The following STK4 variants were observed in gnomAD, a reference collection of about 807,000 sequenced individuals.
The protein encoded by STK4 is serine/threonine-protein kinase 4.
In STK4, 30 loss-of-function variants were observed where a neutral mutation model predicts 64.9. The ratio of observed to expected loss-of-function variants is 0.46; its 90% CI spans 0.35 to 0.63. The LOEUF (loss-of-function observed/expected upper bound fraction) is 0.63. Among genes scored for constraint, STK4 ranks in the 20% least tolerant of loss-of-function variants. STK4 has a pLI of 0.01. For missense variants in STK4, 466 were observed against 598.5 expected, an observed-to-expected ratio of 0.78 and a Z score of 2.31; for synonymous variants, 177 against 199.0, an observed-to-expected ratio of 0.89 and a Z score of 0.93.
intron 10 of STK4, among the ~76,000 whole-genome samples, chr20:45,038,753 G>A (rs1355798719): frequency 3.3e-5 from 5 of 151,388 alleles, no homozygotes; most frequent in Non-Finnish European, 7.4e-5. Context: ...AATATTTACT[G>A]AATTAGAAAT....
chr20:44,999,357 C>T (rs1222625132), intron 7 of STK4, among the ~76,000 whole-genome samples: 2 of 152,152 alleles, frequency 1.3e-5, no homozygotes, highest in Non-Finnish European at 2.9e-5. Context: ...AAATGTATCT[C>T]CTGTGTTGCA....
chr20:44,996,946 A>G (rs1219535401), intron 6 of STK4, among the ~76,000 whole-genome samples: 1 of 152,204 alleles, frequency 6.6e-6, no homozygotes, highest in Non-Finnish European at 1.5e-5. Flanking sequence ...TGTGAGGTTT[A>G]GGGAACAAGA....
chr20:45,044,663 G>A (rs2068665842), intron 10 of STK4, among the ~76,000 whole-genome samples: 1 of 152,020 alleles, frequency 6.6e-6, no homozygotes, highest in African/African-American at 2.4e-5. Context: ...TCAAAAAAAA[G>A]AAAAAAGTTA....
At chr20:45,047,275 T>A (rs1195499717) in intron 10 of STK4, among the ~76,000 whole-genome samples, 1 of 152,178 alleles carries the variant, frequency 6.6e-6, no homozygotes, top group African/African-American at 2.4e-5. Flanking sequence ...AGGCGCTAGG[T>A]GACAAGAGAT....
At chr20:44,989,902 T>G (rs2067601665) in intron 5 of STK4, among the ~76,000 whole-genome samples, 1 of 152,252 alleles carries the variant, frequency 6.6e-6, no homozygotes, top group Non-Finnish European at 1.5e-5. Flanking sequence ...TTGACCTATA[T>G]GTCTGTCCTT....
intron 10 of STK4, among the ~76,000 whole-genome samples, chr20:45,031,269 G>A (rs1016077350): frequency 6.6e-6 from 1 of 152,022 alleles, no homozygotes; most frequent in African/African-American, 2.4e-5. Flanking sequence ...AAGAGGGGAA[G>A]CAAGTCACAG....
chr20:45,060,557 A>G (rs1978903262), intron 10 of STK4, among the ~76,000 whole-genome samples: 1 of 152,136 alleles, frequency 6.6e-6, no homozygotes, highest in Admixed American at 6.5e-5. Context: ...TTACAGTCAG[A>G]CACGCTAAGG....
chr20:45,071,752 T>C (rs1431688490), intron 10 of STK4, among the ~76,000 whole-genome samples: 1 of 152,156 alleles, frequency 6.6e-6, no homozygotes, highest in African/African-American at 2.4e-5. Context: ...AGCTTCTTTA[T>C]TTTAGTTTAT....
chr20:45,053,918 T>G (rs971457552), intron 10 of STK4, among the ~76,000 whole-genome samples: 1 of 151,752 alleles, frequency 6.6e-6, no homozygotes, highest in African/African-American at 2.4e-5. Context: ...TGTTTTTTTT[T>G]TCAGCCAAAA....
At chr20:44,968,442 C>G (rs1325683725) in intron 1 of STK4, among the ~76,000 whole-genome samples, 2 of 152,258 alleles carry the variant, frequency 1.3e-5, no homozygotes, top group Non-Finnish European at 2.9e-5. Flanking sequence ...CGGCCATGCT[C>G]TTAACTGCCT....
chr20:44,973,493 C>T (rs897959971), intron 2 of STK4: 2 of 152,230 alleles, frequency 1.3e-5, no homozygotes, highest in African/African-American at 2.4e-5. Context: ...TTTAGCTTGC[C>T]ATCCTTGCTA....
At chr20:45,032,960 C>T (rs1045908572) in intron 10 of STK4, among the ~76,000 whole-genome samples, 2 of 152,088 alleles carry the variant, frequency 1.3e-5, no homozygotes. Context: ...TAATAATAGC[C>T]ATTCTGACTG....
intron 10 of STK4, among the ~76,000 whole-genome samples, chr20:45,041,848 C>G (rs1176231273): frequency 6.6e-6 from 1 of 152,122 alleles, no homozygotes; most frequent in Non-Finnish European, 1.5e-5. Context: ...GTTTGTTAGC[C>G]TGCCGCAGGC....
intron 2 of STK4, among the ~76,000 whole-genome samples, chr20:44,975,915 A>G (rs1266439554): frequency 2.0e-5 from 3 of 152,242 alleles, no homozygotes; most frequent in African/African-American, 4.8e-5. Context: ...AATGAAATCC[A>G]TGCAAGGAAA....
At position 44,995,210 on chromosome 20, in the gene STK4, G is replaced by A; in HGVS notation, c.646G>A (p.Glu216Lys). Residue 216 changes from glutamate (E) to lysine (K), a missense_variant, in exon 6 of 11, where the codon GAA (glutamate) becomes AAA (lysine). This residue lies in a region of STK4 where 190 missense variants were observed against 289.7 expected (regional missense o/e 0.66). Transcript: ENST00000372806. Reference protein sequence around the residue: ...DIWSLGITAIEMAEGKPPYAD... With the variant: ...DIWSLGITAIKMAEGKPPYAD... ...CTGGTCCCTGGGAATAACTGCCATA[G>A]AAATGGCTGAAGGAAAGCCCCCTTA... 6.2e-7 allele frequency: 1 copy of A among 1,613,786 alleles called. No homozygotes were observed. Among genetic ancestry groups the A allele is most frequent in the Non-Finnish European group, 8.5e-7 (1 of 1,179,828 alleles).
intron 2 of STK4, chr20:44,974,035 AAAT>A (rs1286822407): frequency 6.6e-6 from 1 of 152,198 alleles, no homozygotes; most frequent in African/African-American, 2.4e-5. Flanking sequence ...TGTAAACAAA[AAAT>A]AAGCTAATTA....
chr20:45,009,271 A>G (rs1292003432), intron 9 of STK4, among the ~76,000 whole-genome samples: 1 of 152,244 alleles, frequency 6.6e-6, no homozygotes, highest in Non-Finnish European at 1.5e-5. Context: ...CAGTTATGCC[A>G]GTACCATTTA....
intron 10 of STK4, among the ~76,000 whole-genome samples, chr20:45,038,590 A>G (rs1355842340): frequency 6.6e-6 from 1 of 152,036 alleles, no homozygotes; most frequent in Admixed American, 6.6e-5. Flanking sequence ...TTCAACCTTC[A>G]TTCGGGATAT....
chr20:45,005,388 G>A (rs1001264350), intron 9 of STK4, among the ~76,000 whole-genome samples: 1 of 151,950 alleles, frequency 6.6e-6, no homozygotes, highest in Non-Finnish European at 1.5e-5. Flanking sequence ...GCTCACGCCT[G>A]TAATCCCAGC....
Sources: allele counts gnomAD v4.1 joint callset (sites outside exome capture counted in the v4.1 genomes callset), GRCh38; gene constraint gnomAD v4.1.1; regional missense constraint gnomAD v4.1.1; transcripts MANE v1.5; gene names NCBI Gene and HGNC (gene_info 2026-07-23, HGNC 2026-07-21).